Variants in DEPDC7 observed in about 807,000 individuals in gnomAD.
DEPDC7 encodes the protein DEP domain containing 7.
In DEPDC7, 41 loss-of-function variants were observed where a neutral mutation model predicts 56.6. The ratio of observed to expected loss-of-function variants is 0.72; its 90% CI spans 0.56 to 0.94. The LOEUF is 0.94. Among genes scored for constraint, DEPDC7 ranks in the 40% least tolerant of loss-of-function variants. DEPDC7 has a pLI of 0.00. For missense variants in DEPDC7, 522 were observed against 596.3 expected (o/e 0.88, Z 1.30); for synonymous variants, 185 against 208.8 (o/e 0.89, Z 0.98).
intron 4 of DEPDC7, among the ~76,000 whole-genome samples, chr11:33,029,738 C>T (rs561812293): frequency 6.6e-6 from 1 of 152,280 alleles, no homozygotes; most frequent in African/African-American, 2.4e-5. Flanking sequence ...GATAGTGTTC[C>T]AGTCTAATTA....
intron 4 of DEPDC7, among the ~76,000 whole-genome samples, chr11:33,031,176 A>G (rs1853629149): frequency 6.6e-6 from 1 of 152,190 alleles, no homozygotes; most frequent in Admixed American, 6.6e-5. Context: ...TAAAGGGAAA[A>G]CATTAAGCTG....
intron 3 of DEPDC7, 120 bp downstream of exon 3, chr11:33,027,933 T>G: frequency 1.0e-6 from 1 of 1,003,534 alleles, no homozygotes; most frequent in Non-Finnish European, 1.4e-6. Context: ...GAGTGCACTA[T>G]GTATTAAAGC....
chr11:33,026,162 A>G, intron 2 of DEPDC7, 113 bp downstream of exon 2: 2 of 1,197,704 alleles, frequency 1.7e-6, no homozygotes, highest in Non-Finnish European at 2.4e-6. Flanking sequence ...TGGCTAAAAT[A>G]TGGGTCTGTG....
At chr11:33,016,428 A>G in intron 1 of DEPDC7, 1 of 1,551,102 alleles carries the variant, frequency 6.4e-7, no homozygotes, top group South Asian at 1.3e-5. Flanking sequence ...CTCAACCACA[A>G]ACCTTGACGA....
chr11:33,029,813 A>C (rs912555006), intron 4 of DEPDC7, among the ~76,000 whole-genome samples: 1 of 152,284 alleles, frequency 6.6e-6, no homozygotes, highest in Non-Finnish European at 1.5e-5. Context: ...TCTACGTTCC[A>C]AAGAACTATT....
intron 1 of DEPDC7, among the ~76,000 whole-genome samples, chr11:33,024,904 T>C (rs1276556721): frequency 1.3e-5 from 2 of 152,000 alleles, no homozygotes; most frequent in East Asian, 3.9e-4. Context: ...CCTCTTTCAA[T>C]ATAATATCTG....
chr11:33,020,756 G>A (rs751718757), intron 1 of DEPDC7, among the ~76,000 whole-genome samples: 21 of 152,164 alleles, frequency 1.4e-4, no homozygotes, highest in Non-Finnish European at 1.9e-4. Context: ...TCCCGCCATG[G>A]CCTCCCAAAG....
At chr11:33,022,700 T>TA (rs1451950234) in intron 1 of DEPDC7, among the ~76,000 whole-genome samples, 8 of 152,210 alleles carry the variant, frequency 5.3e-5, no homozygotes, top group African/African-American at 1.9e-4. Flanking sequence ...ATAGTACAAC[T>TA]ACTCCTGAGT....
rs866171135 is a variant in DEPDC7, at chr11:33,025,989, C to A, written c.404C>A (p.Thr135Asn). The A allele has an allele frequency of 6.2e-7, 1 of 1,614,052 alleles. No individual in the cohort carries two copies. Among genetic ancestry groups the A allele is most frequent in the South Asian group, 1.1e-5 (1 of 91,070 alleles). Residue 135 changes from threonine (T) to asparagine (N), a missense_variant, in exon 2 of 9, where the codon ACC becomes AAC. Thr to Asn is a moderately conservative substitution (Grantham distance 65). Transcript: ENST00000241051. ...AGTAGTTGCAGCCTTTATAGATTCA[C>A]CACAATACCTAACCAAGACAGTCAG... Reference protein sequence around the residue: ...EDSSCSLYRFTTIPNQDSQLG... With the variant: ...EDSSCSLYRFNTIPNQDSQLG...
rs745881333 is a variant in DEPDC7, at chr11:33,025,846, T to C, written c.261T>C (p.Asp87=). Residue 87 remains aspartate (D), a synonymous_variant, in exon 2 of 9, where the codon GAT becomes GAC. Coordinates refer to ENST00000241051, the MANE Select transcript of DEPDC7 (RefSeq NM_001077242.2). ...SHLIQNKYFG[D]VDIPRAKVVR... ...TAATTCAGAATAAGTATTTTGGTGA[T>C]GTAGATATTCCTCGAGCCAAAGTGG... 1 of 1,614,196 alleles carries C rather than the reference T, an allele frequency of 6.2e-7. No homozygotes were observed. Among genetic ancestry groups the C allele is most frequent in the East Asian group, 2.2e-5 (1 of 44,878 alleles).
Position 33,033,533 on chromosome 11 carries a change from G to T in DEPDC7, c.*78G>T. ...TAAATATCCAATCACATTTGTAAGC[G>T]TGGAAGCTCTAAATTTGAAACTGTA... On this transcript the variant is annotated 3_prime_UTR_variant, in exon 9 of 9. Transcript: ENST00000241051. 9.4e-7 allele frequency: 1 copy of T among 1,069,508 alleles called. No individual in the cohort carries two copies. Among genetic ancestry groups the T allele is most frequent in the Non-Finnish European group, 1.3e-6 (1 of 759,596 alleles). The allele number at this position is 1,069,508 out of a possible 1,614,324, so 66.3% of individuals were successfully genotyped here. A position where few individuals can be genotyped will look rare whatever the true frequency, so the allele number is the denominator to read the frequency against.
chr11:33,022,575 A>ATT (rs1853534016), intron 1 of DEPDC7, among the ~76,000 whole-genome samples: 1 of 152,248 alleles, frequency 6.6e-6, no homozygotes, highest in Non-Finnish European at 1.5e-5. Flanking sequence ...TATTAATAAT[A>ATT]AAGATTTGAA....
intron 8 of DEPDC7, 97 bp downstream of exon 8, chr11:33,033,064 C>T: frequency 2.8e-6 from 3 of 1,087,564 alleles, no homozygotes; most frequent in Non-Finnish European, 4.0e-6. Flanking sequence ...TTAATTTCAA[C>T]CAAATTTAAA....
At chr11:33,016,641 TA>T in intron 1 of DEPDC7, 3 of 1,575,190 alleles carry the variant, frequency 1.9e-6, no homozygotes, top group Admixed American at 1.7e-5. Flanking sequence ...AGTTTTTGGC[TA>T]AAAAAACAGT....
Position 33,033,451 on chromosome 11 carries a change from A to C in DEPDC7, c.1532A>C (p.Asp511Ala), listed in dbSNP as rs201413831. 5 of 1,561,230 alleles carry C rather than the reference A, an allele frequency of 3.2e-6. No homozygotes were observed. The highest frequency in any genetic ancestry group is 4.3e-6 in the Non-Finnish European group (5 of 1,159,192). The change falls in exon 9 of 9, where the codon GAC (aspartate) becomes GCC (alanine). Residue 511 changes from aspartate to alanine, a missense_variant. Transcript: ENST00000241051. ...GACATCTTTATTGAGCATTTTGGAG[A>C]CTGAGTTTTTAATATCTGTATATAA... ...HPDIFIEHFG[D>A]
intron 3 of DEPDC7, chr11:33,028,026 G>A (rs1050843203): frequency 1.3e-5 from 5 of 389,572 alleles, no homozygotes; most frequent in Non-Finnish European, 2.2e-5. Flanking sequence ...ACTTTTGTCC[G>A]ATCAGCTGGC....
In DEPDC7 at chr11:33,032,397, C is replaced by A. The variant is rs932604045; in HGVS notation, c.1056C>A (p.Phe352Leu). 1 of 1,579,474 alleles carries A rather than the reference C, an allele frequency of 6.3e-7. No homozygotes were observed. The highest frequency in any genetic ancestry group is 1.2e-5 in the South Asian group (1 of 84,458). ...AGCTCCTTCTAAAGCTTTTAGATTT[C>A]CAAAATAGAGAAGAATTTAGAAGAC... ...ATQLLLKLLD[F>L]QNREEFRRLL... The change falls in exon 6 of 9, where the codon TTC becomes TTA. Residue 352 changes from phenylalanine (F) to leucine (L), a missense_variant. Transcript: ENST00000241051.
chr11:33,029,204 GA>G (rs1298109228), intron 4 of DEPDC7, among the ~76,000 whole-genome samples: 5 of 151,090 alleles, frequency 3.3e-5, no homozygotes, highest in Non-Finnish European at 7.4e-5. Flanking sequence ...TTGTATTAAA[GA>G]AATACAATAA....
chr11:33,022,539 C>T (rs975375486), intron 1 of DEPDC7, among the ~76,000 whole-genome samples: 2 of 152,092 alleles, frequency 1.3e-5, no homozygotes, highest in African/African-American at 4.8e-5. Context: ...CAGAGCCTGT[C>T]ATAGTGTAAA....
Sources: allele counts gnomAD v4.1 joint callset (sites outside exome capture counted in the v4.1 genomes callset), GRCh38; gene constraint gnomAD v4.1.1; transcripts MANE v1.5; gene names NCBI Gene and HGNC (gene_info 2026-07-23, HGNC 2026-07-21).